Variants in GLRX3 observed in about 807,000 individuals in gnomAD.
GLRX3 encodes glutaredoxin 3.
A neutral mutation model predicts 49.5 loss-of-function variants in GLRX3; 22 were observed. The ratio of observed to expected loss-of-function variants is 0.44; its 90% CI spans 0.32 to 0.63. The LOEUF is 0.63. Ranked by LOEUF, GLRX3 falls within the 30% of genes least tolerant of loss-of-function variation. The pLI is 0.05. For synonymous variants in GLRX3, 133 were observed against 140.0 expected (o/e 0.95, Z 0.35); for missense variants, 385 against 396.3 (o/e 0.97, Z 0.24).
At chr10:130,167,674 A>G (rs966338520) in intron 6 of GLRX3, among the ~76,000 whole-genome samples, 1 of 152,354 alleles carries the variant, frequency 6.6e-6, no homozygotes, top group South Asian at 2.1e-4. Flanking sequence ...GGAGATTGTA[A>G]GATAAACCTT....
intron 2 of GLRX3, among the ~76,000 whole-genome samples, chr10:130,149,059 TA>T (rs898820353): frequency 2.7e-4 from 41 of 151,264 alleles, no homozygotes; most frequent in Admixed American, 1.3e-4. Flanking sequence ...CCTTGTCTCT[TA>T]AAAAAAAATT....
chr10:130,138,159 C>A (rs1218702150), intron 1 of GLRX3, among the ~76,000 whole-genome samples: 1 of 151,994 alleles, frequency 6.6e-6, no homozygotes, highest in Non-Finnish European at 1.5e-5. Context: ...TGGGTTCAAG[C>A]GATCCTCCCA....
intron 8 of GLRX3, among the ~76,000 whole-genome samples, chr10:130,171,931 A>C (rs1019294397): frequency 3.9e-5 from 6 of 152,178 alleles, no homozygotes; most frequent in African/African-American, 1.2e-4. Flanking sequence ...GCACCACTGC[A>C]CTCAGCCTGG....
At chr10:130,169,569 T>C (rs1316316499) in intron 7 of GLRX3, 79 bp downstream of exon 7, 2 of 933,002 alleles carry the variant, frequency 2.1e-6, no homozygotes, top group Non-Finnish European at 3.5e-6. Flanking sequence ...TAAATCTTTT[T>C]CCTAGCTTTA....
At chr10:130,159,772 A>G (rs1862539413) in intron 2 of GLRX3, 2 of 1,278,158 alleles carry the variant, frequency 1.6e-6, no homozygotes, top group Non-Finnish European at 2.0e-6. Flanking sequence ...GAAATGTGCA[A>G]CAAAATAAAA....
chr10:130,173,876 A>G (rs1759491320), intron 8 of GLRX3, among the ~76,000 whole-genome samples: 1 of 152,112 alleles, frequency 6.6e-6, no homozygotes, highest in African/African-American at 2.4e-5. Context: ...TTTCCTTGGG[A>G]ACTTGTTTAC....
chr10:130,173,384 G>T (rs1299081662), intron 8 of GLRX3, among the ~76,000 whole-genome samples: 3 of 152,224 alleles, frequency 2.0e-5, no homozygotes, highest in Non-Finnish European at 4.4e-5. Flanking sequence ...CCTAGGATGA[G>T]TGAGGCCATC....
chr10:130,158,274 GC>G (rs898132115), intron 2 of GLRX3, among the ~76,000 whole-genome samples: 1 of 150,934 alleles, frequency 6.6e-6, no homozygotes, highest in African/African-American at 2.4e-5. Flanking sequence ...GTGCAATAGT[GC>G]GATCTTGGCT....
intron 2 of GLRX3, among the ~76,000 whole-genome samples, chr10:130,149,893 T>C (rs1227758883): frequency 2.0e-5 from 3 of 146,834 alleles, no homozygotes; most frequent in Non-Finnish European, 4.5e-5. Context: ...GATGGTGAGA[T>C]ACTTGACATG....
At chr10:130,174,953 A>T (rs776928641) in intron 9 of GLRX3, 44 bp from the exon 10 acceptor site, 1 of 1,564,202 alleles carries the variant, frequency 6.4e-7, no homozygotes, top group South Asian at 1.1e-5. Context: ...CTTTAATCTT[A>T]AGGGCCTGAT....
At chr10:130,160,132 G>A (rs1457930708) in intron 3 of GLRX3, 63 bp downstream of exon 3, 5 of 963,742 alleles carry the variant, frequency 5.2e-6, no homozygotes, top group African/African-American at 4.8e-5. Flanking sequence ...TACCTATTTT[G>A]TTTCTTTACC....
At chr10:130,146,910 A>T (rs1399445594) in intron 2 of GLRX3, among the ~76,000 whole-genome samples, 1 of 152,214 alleles carries the variant, frequency 6.6e-6, no homozygotes, top group African/African-American at 2.4e-5. Flanking sequence ...TTTGCTTTGA[A>T]TAGGCATTAT....
chr10:130,177,476 A>G (rs887104311), intron 10 of GLRX3, among the ~76,000 whole-genome samples: 2 of 152,232 alleles, frequency 1.3e-5, no homozygotes, highest in Admixed American at 6.5e-5. Flanking sequence ...TTGGTGCTTT[A>G]AGAGGCTGCT....
intron 2 of GLRX3, among the ~76,000 whole-genome samples, chr10:130,152,325 A>G (rs994436346): frequency 1.3e-5 from 2 of 152,074 alleles, no homozygotes; most frequent in Non-Finnish European, 2.9e-5. Flanking sequence ...AGTCTGTTAC[A>G]TGTGAATTTG....
At chr10:130,159,656 G>A in intron 2 of GLRX3, 1 of 240,906 alleles carries the variant, frequency 4.2e-6, no homozygotes, top group Admixed American at 5.3e-5. Flanking sequence ...ACATAACTGG[G>A]GTCAGTGATT....
chr10:130,141,866 T>C (rs907591341), intron 1 of GLRX3, among the ~76,000 whole-genome samples: 1 of 152,124 alleles, frequency 6.6e-6, no homozygotes, highest in Non-Finnish European at 1.5e-5. Context: ...GAGGCTATGG[T>C]GGGCAGAGGC....
chr10:130,150,252 A>G (rs939767449), intron 2 of GLRX3, among the ~76,000 whole-genome samples: 21 of 151,494 alleles, frequency 1.4e-4, no homozygotes, highest in African/African-American at 2.2e-4. Context: ...AAAAAAAAAA[A>G]AAAGAAAGAA....
chr10:130,172,056 T>A (rs546092799), intron 8 of GLRX3, among the ~76,000 whole-genome samples: 1 of 152,236 alleles, frequency 6.6e-6, no homozygotes, highest in South Asian at 2.1e-4. Flanking sequence ...GTATCTTTCT[T>A]TATTTTTTGC....
intron 8 of GLRX3, among the ~76,000 whole-genome samples, chr10:130,172,148 T>A (rs1862823456): frequency 6.6e-6 from 1 of 152,062 alleles, no homozygotes; most frequent in African/African-American, 2.4e-5. Context: ...ATAAAGGAGG[T>A]CTTTAGGCCA....
Sources: gnomAD v4.1 joint callset for allele counts (sites outside exome capture counted in the v4.1 genomes callset) on GRCh38, gnomAD v4.1.1 for gene constraint, MANE v1.5 for transcripts, NCBI Gene and HGNC (gene_info 2026-07-23, HGNC 2026-07-21) for gene names.